The following FAM111B variants were observed in gnomAD, a reference collection of about 807,000 sequenced individuals.
FAM111B encodes the protein serine protease FAM111B.
Under a neutral mutation model 2.8 loss-of-function variants are expected in FAM111B, and 1 was observed. That is an observed-to-expected ratio of 0.36 (90% CI 0.13 to 1.70). The LOEUF (loss-of-function observed/expected upper bound fraction) is 1.70, where lower values mean the gene tolerates loss of function less well. FAM111B is among the 40% of genes most tolerant of loss of function. FAM111B has a pLI of 0.35. For synonymous variants in FAM111B, 297 were observed against 295.6 expected (o/e 1.00, Z -0.05); for missense variants, 882 against 878.9 (o/e 1.00, Z -0.04).
chr11:59,109,017 CCTA>C (rs148268056), intron 2 of FAM111B, among the ~76,000 whole-genome samples: 2,056 of 152,202 alleles, frequency 0.014, 41 homozygotes, highest in African/African-American at 0.047. Flanking sequence ...CTAATTTTGT[CCTA>C]CTGCGGAAGA....
Position 59,127,309 on chromosome 11 carries a change from A to G in FAM111B, c.*1007A>G, listed in dbSNP as rs554133456. ...CTATGCTTATTACCTGGGTGATGAAATAATCTGAACACAAAACCCTGGTGA... is the reference window on the plus strand; with the variant it reads ...CTATGCTTATTACCTGGGTGATGAAGTAATCTGAACACAAAACCCTGGTGA... On this transcript the variant is annotated 3_prime_UTR_variant, in exon 4 of 4. Transcript: ENST00000343597. 1.3e-5 allele frequency: 2 copies of G among 152,302 alleles called. No homozygotes were observed. The highest frequency in any genetic ancestry group is 3.9e-4 in the East Asian group (2 of 5,190). The allele number at this position is 152,302 out of a possible 1,614,324, so 9.4% of individuals were successfully genotyped here.
chr11:59,120,590 G>C (rs1194252305), intron 3 of FAM111B, among the ~76,000 whole-genome samples: 1 of 152,202 alleles, frequency 6.6e-6, no homozygotes, highest in Non-Finnish European at 1.5e-5. Context: ...TTTGTGACCT[G>C]TTAGGGCTGT....
chr11:59,113,816 C>A (rs1859798611), intron 3 of FAM111B, among the ~76,000 whole-genome samples: 1 of 152,178 alleles, frequency 6.6e-6, no homozygotes, highest in Admixed American at 6.5e-5. Flanking sequence ...GGGAGTCTCA[C>A]CACACCTAGA....
At position 59,126,050 on chromosome 11, in the gene FAM111B, C is replaced by T. The variant is rs760281358; in HGVS notation, c.1953C>T (p.Gly651=). The change falls in exon 4 of 4, where the codon GGC becomes GGT. Residue 651 remains glycine (G), a synonymous_variant. Coordinates refer to ENST00000343597, the MANE Select transcript of FAM111B (RefSeq NM_198947.4). ...CTTGTTTCTCTGATGGGTCCTCAGG[C>T]TCCCCAGTGTTTAATGCATCTGGCA... ...YDTCFSDGSS[G]SPVFNASGKL... 10 of 1,613,656 alleles carry T rather than the reference C, an allele frequency of 6.2e-6. No individual in the cohort carries two copies. Among genetic ancestry groups the T allele is most frequent in the African/African-American group, 1.3e-5 (1 of 74,850 alleles).
chr11:59,118,481 C>T (rs886326557), intron 3 of FAM111B, among the ~76,000 whole-genome samples: 1 of 152,354 alleles, frequency 6.6e-6, no homozygotes, highest in South Asian at 2.1e-4. Context: ...GAGTTTTCTT[C>T]ATAGATTACC....
In FAM111B at chr11:59,125,620, T is replaced by C. The variant is rs2135405167; in HGVS notation, c.1523T>C (p.Ile508Thr). 1.9e-6 allele frequency: 3 copies of C among 1,613,964 alleles called. No homozygotes were observed. The highest frequency in any genetic ancestry group is 2.5e-6 in the Non-Finnish European group (3 of 1,179,848). ...KNTHPSLWPD[I>T]ISKCAKVTFT... ...ACACATCCAAGTTTGTGGCCAGATA[T>C]AATTAGCAAATGTGCGAAGGTAACC... The change falls in exon 4 of 4, where the codon ATA becomes ACA. Residue 508 changes from isoleucine to threonine, a missense_variant. Physicochemically the swap from Ile to Thr is moderately conservative, Grantham distance 89 (BLOSUM62 -1). Coordinates refer to ENST00000343597, the MANE Select transcript of FAM111B (RefSeq NM_198947.4).
At chr11:59,116,465 A>T (rs1859842328) in intron 3 of FAM111B, among the ~76,000 whole-genome samples, 1 of 152,154 alleles carries the variant, frequency 6.6e-6, no homozygotes, top group Non-Finnish European at 1.5e-5. Flanking sequence ...GGCCCTTTCC[A>T]CAGAGCATTC....
At chr11:59,122,164 AAAAT>A (rs1399140299) in intron 3 of FAM111B, among the ~76,000 whole-genome samples, 1 of 152,204 alleles carries the variant, frequency 6.6e-6, no homozygotes, top group Admixed American at 6.5e-5. Context: ...TAAATAAAAT[AAAAT>A]AAATAAGTAG....
At chr11:59,124,054 C>A in intron 3 of FAM111B, 125 bp from the exon 4 acceptor site, 2 of 554,724 alleles carry the variant, frequency 3.6e-6, no homozygotes, top group African/African-American at 1.9e-5. Flanking sequence ...ATTTTTTCTC[C>A]ATTATTCGTT....
chr11:59,117,634 G>A (rs1565188285), intron 3 of FAM111B, among the ~76,000 whole-genome samples: 1 of 152,136 alleles, frequency 6.6e-6, no homozygotes, highest in Non-Finnish European at 1.5e-5. Flanking sequence ...TCCTCCCTCT[G>A]GACCCTACCA....
At chr11:59,120,879 C>T (rs1402573253) in intron 3 of FAM111B, among the ~76,000 whole-genome samples, 1 of 152,028 alleles carries the variant, frequency 6.6e-6, no homozygotes, top group Admixed American at 6.5e-5. Flanking sequence ...CAGTTCAACC[C>T]ATAACAATCT....
At chr11:59,109,940 T>C in intron 3 of FAM111B, 1 of 310,970 alleles carries the variant, frequency 3.2e-6, no homozygotes. Context: ...ATATAGACAC[T>C]TAAAGTCTTG....
intron 3 of FAM111B, among the ~76,000 whole-genome samples, chr11:59,118,015 T>A (rs963388959): frequency 6.6e-6 from 1 of 152,058 alleles, no homozygotes; most frequent in Admixed American, 6.5e-5. Flanking sequence ...CCTCTAGAGG[T>A]TTCTCATTGG....
intron 3 of FAM111B, among the ~76,000 whole-genome samples, chr11:59,113,542 A>G (rs374460678): frequency 1.3e-5 from 2 of 152,306 alleles, no homozygotes; most frequent in African/African-American, 4.8e-5. Context: ...AGTGGCTGCT[A>G]TTACCTCTGG....
rs111459402 is a variant in FAM111B at position 59,111,177 on chromosome 11, G to A, written c.81+1471G>A. Among the ~76,000 whole-genome samples, 3 of 152,192 alleles carry A rather than the reference G, an allele frequency of 2.0e-5. No homozygotes were observed. The South Asian group carries it at 6.2e-4, about 32-fold the overall frequency. On this transcript the variant is annotated intron_variant, in intron 3 of 3. Coordinates refer to ENST00000343597, the MANE Select transcript of FAM111B (RefSeq NM_198947.4). ...CTCTCCCTATAATGAGTCTATCCTG[G>A]TTTCCTGAGGAAACTTCTCTTTGCC...
intron 3 of FAM111B, among the ~76,000 whole-genome samples, chr11:59,119,380 A>G (rs1246821909): frequency 4.0e-5 from 6 of 150,506 alleles, no homozygotes; most frequent in African/African-American, 1.5e-4. Flanking sequence ...AGTTTGCATC[A>G]TTGTTTTTCC....
chr11:59,109,382 A>G (rs1368687926), intron 2 of FAM111B, among the ~76,000 whole-genome samples, 158 bp from the exon 3 acceptor site: 2 of 152,180 alleles, frequency 1.3e-5, no homozygotes, highest in Non-Finnish European at 2.9e-5. Flanking sequence ...TCTCCTTCCT[A>G]AGATATGCCT....
chr11:59,123,234 A>G (rs1859950469), intron 3 of FAM111B, among the ~76,000 whole-genome samples: 1 of 152,242 alleles, frequency 6.6e-6, no homozygotes, highest in Non-Finnish European at 1.5e-5. Flanking sequence ...AATATCTAAA[A>G]GATAAGTAAG....
In FAM111B at chr11:59,125,658, G is replaced by A; in HGVS notation, c.1561G>A (p.Glu521Lys). 6.2e-7 allele frequency: 1 copy of A among 1,613,938 alleles called. No homozygotes were observed. Among genetic ancestry groups the A allele is most frequent in the Non-Finnish European group, 8.5e-7 (1 of 1,179,834 alleles). Reference protein sequence around the residue: ...KCAKVTFTYTEFCPTPDNWFS... With the variant: ...KCAKVTFTYTKFCPTPDNWFS... ...TGCGAAGGTAACCTTCACTTATACA[G>A]AGTTCTGCCCTACTCCTGACAATTG... Residue 521 changes from glutamate to lysine, a missense_variant, in exon 4 of 4, where the codon GAG becomes AAG. Coordinates refer to ENST00000343597, the MANE Select transcript of FAM111B (RefSeq NM_198947.4).
Sources: gnomAD v4.1 joint callset for allele counts (sites outside exome capture counted in the v4.1 genomes callset) on GRCh38, gnomAD v4.1.1 for gene constraint, MANE v1.5 for transcripts, NCBI Gene and HGNC (gene_info 2026-07-23, HGNC 2026-07-21) for gene names.